BLM: variants seen among roughly 807,000 people sequenced by gnomAD.
BLM encodes recQ-like DNA helicase BLM.
In BLM, 95 loss-of-function variants were observed where a neutral mutation model predicts 135.3. That is an observed-to-expected ratio of 0.70 (90% CI 0.59 to 0.83). The LOEUF is 0.83. Ranked by LOEUF, BLM falls within the 40% of genes least tolerant of loss-of-function variation. The pLI is 0.00. For synonymous variants in BLM, 520 were observed against 589.2 expected, an observed-to-expected ratio of 0.88 and a Z score of 1.70; for missense variants, 1,518 against 1,663.9, an observed-to-expected ratio of 0.91 and a Z score of 1.53.
intron 12 of BLM, among the ~76,000 whole-genome samples, chr15:90,779,159 A>G (rs925508879): frequency 2.6e-5 from 4 of 152,162 alleles, no homozygotes; most frequent in Non-Finnish European, 4.4e-5. Context: ...TGCTGGAATT[A>G]CAGGCATGAG....
chr15:90,796,110 G>A (rs978577827), intron 16 of BLM, among the ~76,000 whole-genome samples: 5 of 152,224 alleles, frequency 3.3e-5, no homozygotes, highest in African/African-American at 7.2e-5. Flanking sequence ...TTGAGGGCTA[G>A]AGTCCCAGAG....
chr15:90,728,745 G>A (rs965522764), intron 1 of BLM, among the ~76,000 whole-genome samples: 3 of 151,968 alleles, frequency 2.0e-5, no homozygotes, highest in African/African-American at 7.2e-5. Flanking sequence ...AAAGTTTTCT[G>A]ACATTTTATT....
At chr15:90,810,043 G>A (rs1281075423) in intron 20 of BLM, among the ~76,000 whole-genome samples, 2 of 150,698 alleles carry the variant, frequency 1.3e-5, no homozygotes, top group African/African-American at 4.9e-5. Flanking sequence ...AGCAGGATGA[G>A]ATAGTTCAAG....
At chr15:90,805,824 TC>T (rs1300108237) in intron 19 of BLM, among the ~76,000 whole-genome samples, 2 of 151,676 alleles carry the variant, frequency 1.3e-5, no homozygotes, top group African/African-American at 4.8e-5. Flanking sequence ...AGCCACCGCA[TC>T]CGGCCGGATT....
intron 19 of BLM, among the ~76,000 whole-genome samples, chr15:90,805,974 C>T (rs528033626): frequency 3.3e-5 from 5 of 152,054 alleles, no homozygotes; most frequent in African/African-American, 7.2e-5. Context: ...CTCAACCTCC[C>T]GAGTAGCTGG....
At chr15:90,764,263 ATATTG>A (rs1430208533) in intron 8 of BLM, among the ~76,000 whole-genome samples, 13 of 148,342 alleles carry the variant, frequency 8.8e-5, no homozygotes, top group African/African-American at 2.9e-4. Context: ...TATAATATGT[ATATTG>A]TATTGTATAT....
intron 6 of BLM, 120 bp from the exon 7 acceptor site, chr15:90,760,474 G>GA: frequency 2.3e-6 from 3 of 1,304,148 alleles, no homozygotes; most frequent in Non-Finnish European, 3.2e-6. Flanking sequence ...TTAAGATTGG[G>GA]AAAAAAGCGA....
intron 1 of BLM, among the ~76,000 whole-genome samples, chr15:90,729,049 C>A (rs914508424): frequency 1.1e-4 from 16 of 152,034 alleles, no homozygotes; most frequent in Non-Finnish European, 1.8e-4. Context: ...GTAGCTCACA[C>A]CTGTAATCCC....
At chr15:90,783,899 A>ACC (rs1896677572) in intron 13 of BLM, among the ~76,000 whole-genome samples, 1 of 152,246 alleles carries the variant, frequency 6.6e-6, no homozygotes, top group South Asian at 2.1e-4. Flanking sequence ...AAAAAACAAA[A>ACC]AAGAAAATTT....
chr15:90,801,798 G>A (rs1431350204), intron 17 of BLM, among the ~76,000 whole-genome samples: 1 of 152,216 alleles, frequency 6.6e-6, no homozygotes, highest in African/African-American at 2.4e-5. Context: ...GCCCATGTCT[G>A]TAATTCCAGC....
intron 13 of BLM, 99 bp from the exon 14 acceptor site, chr15:90,784,822 A>G (rs1896703732): frequency 1.3e-5 from 17 of 1,260,840 alleles, no homozygotes; most frequent in Non-Finnish European, 1.9e-5. Flanking sequence ...ACTACGGGAG[A>G]TCTATTTATG....
At chr15:90,765,247 T>C in intron 8 of BLM, 49 bp from the exon 9 acceptor site, 1 of 1,393,352 alleles carries the variant, frequency 7.2e-7, no homozygotes, top group South Asian at 1.2e-5. Flanking sequence ...TTTACATTCA[T>C]GCTCTGAAGA....
chr15:90,765,518 G>C, intron 9 of BLM, 104 bp downstream of exon 9: 1 of 942,056 alleles, frequency 1.1e-6, no homozygotes. Flanking sequence ...AAAAAATAAA[G>C]CACAGCAGTT....
In BLM at chr15:90,810,650, A is replaced by C. The variant is rs1476057611; in HGVS notation, c.3875-555A>C. Among the ~76,000 whole-genome samples the C allele has an allele frequency of 5.9e-5, 9 of 152,210 alleles. No individual in the cohort carries two copies. The South Asian group carries it at 1.4e-3, about 24-fold the overall frequency. ...TTTCATGCGGTCTCACCTCCCGCAT[A>C]ATATGTGACATGTTCAGCCATATTG... On this transcript the variant is annotated intron_variant, in intron 20 of 21. Coordinates refer to ENST00000355112, the MANE Select transcript of BLM (RefSeq NM_000057.4).
intron 15 of BLM, among the ~76,000 whole-genome samples, chr15:90,792,562 G>C (rs570155595): frequency 6.6e-6 from 1 of 152,092 alleles, no homozygotes; most frequent in African/African-American, 2.4e-5. Context: ...AGTGAGCTTC[G>C]GAAAGGTTTT....
chr15:90,732,735 GAA>G (rs1567027329), intron 1 of BLM, among the ~76,000 whole-genome samples: 1 of 152,050 alleles, frequency 6.6e-6, no homozygotes, highest in African/African-American at 2.4e-5. Context: ...AAGCACAAGA[GAA>G]TAAATAATAA....
At chr15:90,722,807 C>T (rs1415653361) in intron 1 of BLM, among the ~76,000 whole-genome samples, 1 of 152,086 alleles carries the variant, frequency 6.6e-6, no homozygotes, top group Non-Finnish European at 1.5e-5. Context: ...TCTGATACCT[C>T]CTCCCTATGT....
rs958623858 is a variant in BLM, at chr15:90,790,631, C to A, written c.2824-18C>A. 2.5e-6 allele frequency: 4 copies of A among 1,610,246 alleles called. No individual in the cohort carries two copies. The highest frequency in any genetic ancestry group is 3.3e-5 in the Admixed American group (2 of 59,984). On this transcript the variant is annotated intron_variant, in intron 14 of 21. Coordinates refer to ENST00000355112, the MANE Select transcript of BLM (RefSeq NM_000057.4). ...GTCTGTGCCTTATGAATCTAATAAG[C>A]TTTTGCTTTTATATCAGGTTATCTG...
chr15:90,803,816 C>A (rs1897223946), intron 18 of BLM, 96 bp downstream of exon 18: 2 of 1,254,870 alleles, frequency 1.6e-6, no homozygotes. Context: ...CTTATAGATA[C>A]TGAATTTATA....
Sources: gnomAD v4.1 joint callset for allele counts (sites outside exome capture counted in the v4.1 genomes callset) on GRCh38, gnomAD v4.1.1 for gene constraint, MANE v1.5 for transcripts, NCBI Gene and HGNC (gene_info 2026-07-23, HGNC 2026-07-21) for gene names.